DNAJC11: variants seen among roughly 807,000 people sequenced by gnomAD.
DNAJC11 encodes the protein DnaJ heat shock protein family (Hsp40) member C11, also known as dnaJ homolog subfamily C member 11.
Under a neutral mutation model 78.6 loss-of-function variants are expected in DNAJC11, and 15 were observed. That is an observed-to-expected ratio of 0.19 (90% CI 0.13 to 0.29). The LOEUF is 0.29. Ranked by LOEUF, DNAJC11 falls within the 10% of genes least tolerant of loss-of-function variation. The pLI is 1.00. For missense variants in DNAJC11, 547 were observed against 709.6 expected (o/e 0.77, Z 2.60); for synonymous variants, 292 against 272.1 (o/e 1.07, Z -0.72).
At chr1:6,700,338 A>AC (rs1375887631) in intron 1 of DNAJC11, among the ~76,000 whole-genome samples, 1 of 152,074 alleles carries the variant, frequency 6.6e-6, no homozygotes, top group African/African-American at 2.4e-5. Flanking sequence ...GCCCATACGC[A>AC]CCCAGGTGAT....
At chr1:6,692,744 G>A (rs541953129) in intron 1 of DNAJC11, among the ~76,000 whole-genome samples, 1 of 151,494 alleles carries the variant, frequency 6.6e-6, no homozygotes, top group East Asian at 1.9e-4. Context: ...CCATGTAGCT[G>A]AGATTACAGG....
At chr1:6,639,415 C>G (rs1371199151) in intron 11 of DNAJC11, among the ~76,000 whole-genome samples, 1 of 151,766 alleles carries the variant, frequency 6.6e-6, no homozygotes, top group Non-Finnish European at 1.5e-5. Context: ...CTGCAACATC[C>G]ACCTCCCAGG....
At chr1:6,654,159 G>T in intron 4 of DNAJC11, 120 bp from the exon 5 acceptor site, 1 of 1,302,392 alleles carries the variant, frequency 7.7e-7, no homozygotes, top group Non-Finnish European at 1.1e-6. Flanking sequence ...AGGGTTCACT[G>T]GGTTTAGGTA....
At chr1:6,642,166 G>A (rs1641887712) in intron 10 of DNAJC11, among the ~76,000 whole-genome samples, 1 of 152,150 alleles carries the variant, frequency 6.6e-6, no homozygotes, top group Admixed American at 6.5e-5. Context: ...GGGTAGAGAG[G>A]AGTACTACAT....
intron 10 of DNAJC11, among the ~76,000 whole-genome samples, chr1:6,641,715 G>A (rs1368415828): frequency 2.0e-5 from 3 of 152,068 alleles, no homozygotes; most frequent in East Asian, 1.9e-4. Context: ...GATGGCTGAC[G>A]CCAGCTCTAA....
Position 6,639,886 on chromosome 1 carries a change from T to C in DNAJC11, c.1253+16A>G. The stretch of plus-strand genomic sequence containing the variant: ...ACAGGGCTGGCTAGTGACATGCCCA[T>C]GACGTGTCAACTCACTTCTCTTTCT... On this transcript the variant is annotated intron_variant, in intron 11 of 15. Transcript: ENST00000377577. 1 of 1,611,772 alleles carries C rather than the reference T, an allele frequency of 6.2e-7. No homozygotes were observed. Among genetic ancestry groups the C allele is most frequent in the Non-Finnish European group, 8.5e-7 (1 of 1,178,824 alleles).
rs115986742 is a variant in DNAJC11 at position 6,639,889 on chromosome 1, C to T, written c.1253+13G>A. 3,653 of 1,611,396 alleles carry T rather than the reference C, an allele frequency of 2.3e-3. 46 individuals carry two copies. In the African/African-American group the frequency reaches 0.036, roughly 16 times the overall value. On this transcript the variant is annotated intron_variant, in intron 11 of 15. Transcript: ENST00000377577. ...GGGCTGGCTAGTGACATGCCCATGA[C>T]GTGTCAACTCACTTCTCTTTCTGAG...
intron 1 of DNAJC11, among the ~76,000 whole-genome samples, chr1:6,701,034 G>A (rs1051896049): frequency 2.0e-5 from 3 of 152,162 alleles, no homozygotes; most frequent in African/African-American, 7.2e-5. Context: ...GAGGAGACAG[G>A]GTACAAGTGC....
intron 11 of DNAJC11, among the ~76,000 whole-genome samples, chr1:6,639,468 T>C (rs1451461580): frequency 2.0e-5 from 3 of 152,112 alleles, no homozygotes; most frequent in Non-Finnish European, 4.4e-5. Flanking sequence ...TAGCTGGGAT[T>C]ACAGGCACGT....
At chr1:6,661,115 G>A (rs905521984) in intron 4 of DNAJC11, among the ~76,000 whole-genome samples, 2 of 152,178 alleles carry the variant, frequency 1.3e-5, no homozygotes, top group African/African-American at 2.4e-5. Flanking sequence ...TCACAATCAC[G>A]TTAACACATT....
At chr1:6,668,962 G>A (rs1642333613) in intron 3 of DNAJC11, among the ~76,000 whole-genome samples, 1 of 151,876 alleles carries the variant, frequency 6.6e-6, no homozygotes, top group South Asian at 2.1e-4. Context: ...AGAGGTGAGG[G>A]GATCACCTCA....
At position 6,669,372 on chromosome 1, in the gene DNAJC11, G is replaced by A. The variant is rs183481349; in HGVS notation, c.277-1562C>T. On this transcript the variant is annotated intron_variant, in intron 3 of 15. Coordinates refer to ENST00000377577, the MANE Select transcript of DNAJC11 (RefSeq NM_018198.4). The stretch of plus-strand genomic sequence containing the variant: ...TAAAAATACAAAACATTAGCTGGGC[G>A]TGGTGGCAGGTGCCTGTAATCCCAG... 3.9e-4 allele frequency among the ~76,000 whole-genome samples: 59 copies of A among 151,826 alleles called. 1 individual carries two copies. The East Asian group carries it at 0.011, about 28-fold the overall frequency.
intron 1 of DNAJC11, among the ~76,000 whole-genome samples, chr1:6,683,418 CCAGA>C (rs1406683510): frequency 6.6e-6 from 1 of 152,154 alleles, no homozygotes; most frequent in African/African-American, 2.4e-5. Flanking sequence ...GAGAATGAAA[CCAGA>C]CAGAGACTAT....
chr1:6,644,055 A>G (rs986549682), intron 10 of DNAJC11, among the ~76,000 whole-genome samples: 12 of 151,768 alleles, frequency 7.9e-5, no homozygotes, highest in African/African-American at 2.9e-4. Flanking sequence ...TATTTTTAGT[A>G]GAGATGGGGT....
At position 6,634,741 on chromosome 1, in the gene DNAJC11, T is replaced by C. The variant is rs1641723778; in HGVS notation, c.*934A>G. ...TCCGGAGCACAGGCCCTGGTGTTCCTGTGAGGACGCTGGACCTGCAGGAGC... is the reference window on the plus strand; with the variant it reads ...TCCGGAGCACAGGCCCTGGTGTTCCCGTGAGGACGCTGGACCTGCAGGAGC... On this transcript the variant is annotated 3_prime_UTR_variant, in exon 16 of 16. Coordinates refer to ENST00000377577, the MANE Select transcript of DNAJC11 (RefSeq NM_018198.4). 1 of 1,353,484 alleles carries C rather than the reference T, an allele frequency of 7.4e-7. No individual in the cohort carries two copies. The highest frequency in any genetic ancestry group is 1.5e-5 in the African/African-American group (1 of 67,542). 83.8% of individuals were successfully genotyped at this position (1,353,484 alleles called of 1,614,324 possible). A position where few individuals can be genotyped will look rare whatever the true frequency, so the allele number is the denominator to read the frequency against.
chr1:6,636,185 T>G lies in DNAJC11; in HGVS notation c.1586A>C (p.Tyr529Ser). 6.2e-7 allele frequency: 1 copy of G among 1,614,160 alleles called. No individual in the cohort carries two copies. Among genetic ancestry groups the G allele is most frequent in the Non-Finnish European group, 8.5e-7 (1 of 1,180,032 alleles). Residue 529 changes from tyrosine to serine, a missense_variant, in exon 15 of 16, where the codon TAT becomes TCT. Coordinates refer to ENST00000377577, the MANE Select transcript of DNAJC11 (RefSeq NM_018198.4). ...VGEEKNLKVLYQFRGVLHQVM... is the reference protein window; with the variant it reads ...VGEEKNLKVLSQFRGVLHQVM... The stretch of plus-strand genomic sequence containing the variant: ...CTGATGCAGGACGCCCCGGAACTGA[T>G]AGAGCACTTTCAGGTTCTTCTCTTC...
chr1:6,682,163 C>CAAAAAAA (rs60985504), intron 1 of DNAJC11, among the ~76,000 whole-genome samples: 4 of 94,066 alleles, frequency 4.3e-5, no homozygotes, highest in African/African-American at 8.7e-5. Context: ...ACCATAATTA[C>CAAAAAAA]AAAAAAAAAA....
rs1445550307 is a variant in DNAJC11 at position 6,680,938 on chromosome 1, G to T, written c.172C>A (p.Leu58Met). The T allele has an allele frequency of 6.2e-7, 1 of 1,614,050 alleles. No individual in the cohort carries two copies. Among genetic ancestry groups the T allele is most frequent in the East Asian group, 2.2e-5 (1 of 44,878 alleles). The part of the protein sequence containing the change: ...DPELKSQAER[L>M]FNLVHQAYEV... ...TAAGCCTGGTGAACAAGGTTAAACA[G>T]TCGTTCCGCCTGTGACTTGAGCTCT... Residue 58 changes from leucine (L) to methionine (M), a missense_variant, in exon 2 of 16, where the codon CTG becomes ATG. Coordinates refer to ENST00000377577, the MANE Select transcript of DNAJC11 (RefSeq NM_018198.4). The surrounding 1 kb of genome is among the most constrained non-coding windows in gnomAD (Gnocchi z 4.0).
In DNAJC11 at chr1:6,654,924, G is replaced by A. The variant is rs533205695; in HGVS notation, c.379-885C>T. On this transcript the variant is annotated intron_variant, in intron 4 of 15. Coordinates refer to ENST00000377577, the MANE Select transcript of DNAJC11 (RefSeq NM_018198.4). ...AGCGATTCTCCTGCCTTAGTCTCCC[G>A]AGTAGCTGGGACTACAGGCGCACGC... Among the ~76,000 whole-genome samples the A allele has an allele frequency of 2.0e-4, 31 of 152,064 alleles. No individual in the cohort carries two copies. In the East Asian group the frequency reaches 5.0e-3, roughly 25 times the overall value.
Sources: allele counts gnomAD v4.1 joint callset (sites outside exome capture counted in the v4.1 genomes callset), GRCh38; gene constraint gnomAD v4.1.1; non-coding constraint Gnocchi (gnomAD v3.1); transcripts MANE v1.5; gene names NCBI Gene and HGNC (gene_info 2026-07-23, HGNC 2026-07-21).